GRM8: variants seen among roughly 807,000 people sequenced by gnomAD.
The protein encoded by GRM8 is metabotropic glutamate receptor 8.
A neutral mutation model predicts 87.2 loss-of-function variants in GRM8; 47 were observed. That is an observed-to-expected ratio of 0.54 (90% CI 0.43 to 0.69). GRM8 has a LOEUF of 0.69. GRM8 is among the 30% of genes least tolerant of loss of function. The probability of loss-of-function intolerance (pLI) is 0.00; values close to 1 mark genes in which losing one functional copy is unlikely to be tolerated. For synonymous variants in GRM8, 396 were observed against 404.5 expected, an observed-to-expected ratio of 0.98 and a Z score of 0.25; for missense variants, 1,019 against 1,139.2, an observed-to-expected ratio of 0.89 and a Z score of 1.52.
chr7:126,949,809 G>A (rs897866536), intron 3 of GRM8, among the ~76,000 whole-genome samples: 5 of 152,160 alleles, frequency 3.3e-5, no homozygotes, highest in Non-Finnish European at 7.4e-5. Context: ...GAGGAGGAAG[G>A]GAGCAGAGGA....
chr7:126,720,384 C>A (rs1812262414), intron 7 of GRM8, among the ~76,000 whole-genome samples: 1 of 152,080 alleles, frequency 6.6e-6, no homozygotes, highest in South Asian at 2.1e-4. Context: ...TCAAGCGATC[C>A]TCCTGCCTCA....
chr7:127,090,053 G>T (rs1213649753), intron 3 of GRM8, among the ~76,000 whole-genome samples: 4 of 152,100 alleles, frequency 2.6e-5, no homozygotes, highest in East Asian at 1.9e-4. Context: ...CCATGCCTGG[G>T]ACCTTGTGAC....
chr7:126,801,276 C>T (rs927232538), intron 6 of GRM8, among the ~76,000 whole-genome samples: 2 of 152,012 alleles, frequency 1.3e-5, no homozygotes, highest in Non-Finnish European at 2.9e-5. Flanking sequence ...TGCTTCATGC[C>T]GCAATGCCAC....
intron 7 of GRM8, among the ~76,000 whole-genome samples, chr7:126,698,231 G>A (rs1259863323): frequency 6.6e-6 from 1 of 152,026 alleles, no homozygotes; most frequent in Non-Finnish European, 1.5e-5. Flanking sequence ...ATTAAGAGTT[G>A]TTCTTCTTCT....
chr7:126,887,477 T>C (rs1260772930), intron 6 of GRM8, among the ~76,000 whole-genome samples: 1 of 152,072 alleles, frequency 6.6e-6, no homozygotes, highest in Non-Finnish European at 1.5e-5. Context: ...GTGCTTGAAG[T>C]GAAAGAAGGG....
intron 2 of GRM8, among the ~76,000 whole-genome samples, chr7:127,221,433 T>G (rs574137873): frequency 3.3e-5 from 5 of 152,256 alleles, no homozygotes; most frequent in African/African-American, 7.2e-5. Context: ...TTGGGTGATA[T>G]AGCCACCTTG....
intron 1 of GRM8, among the ~76,000 whole-genome samples, chr7:127,248,366 C>T (rs76474331): frequency 0.031 from 4,763 of 152,240 alleles, 92 homozygotes; most frequent in Middle Eastern, 0.068. Flanking sequence ...AAGTCTCAGG[C>T]GAGAATTCAA....
intron 3 of GRM8, among the ~76,000 whole-genome samples, chr7:126,974,227 G>A (rs1469820324): frequency 6.6e-6 from 1 of 152,014 alleles, no homozygotes; most frequent in Non-Finnish European, 1.5e-5. Flanking sequence ...ACAGAAAAAG[G>A]CCCAAATCTG....
chr7:126,701,704 T>G, intron 7 of GRM8: 1 of 584,746 alleles, frequency 1.7e-6, no homozygotes, highest in South Asian at 1.5e-5. Context: ...GTTTTAGAAA[T>G]CCTACAAGAA....
chr7:126,932,857 AAG>A, intron 3 of GRM8, among the ~76,000 whole-genome samples: 1 of 152,324 alleles, frequency 6.6e-6, no homozygotes, highest in Non-Finnish European at 1.5e-5. Flanking sequence ...GGAGGCAAGA[AAG>A]AGAGAGATAG....
intron 2 of GRM8, among the ~76,000 whole-genome samples, chr7:127,223,441 A>ACGCG (rs1554615069): frequency 1.8e-5 from 2 of 109,540 alleles, no homozygotes; most frequent in African/African-American, 1.2e-4. Flanking sequence ...ACACACACAC[A>ACGCG]CGCACACACA....
intron 7 of GRM8, among the ~76,000 whole-genome samples, chr7:126,632,089 C>A (rs12505636): frequency 3.9e-4 from 59 of 152,234 alleles, no homozygotes; most frequent in African/African-American, 1.3e-3. Flanking sequence ...TCAGAGCAAA[C>A]AGACAACCCA....
intron 3 of GRM8, among the ~76,000 whole-genome samples, chr7:127,072,180 T>G (rs1821760584): frequency 6.6e-6 from 1 of 152,170 alleles, no homozygotes. Context: ...CATCACCCTG[T>G]ACACCCAACT....
chr7:126,732,484 G>A (rs1256963416), intron 7 of GRM8, among the ~76,000 whole-genome samples: 1 of 152,120 alleles, frequency 6.6e-6, no homozygotes, highest in Non-Finnish European at 1.5e-5. Context: ...ATTAGAGGAA[G>A]ACATATTAGT....
At chr7:126,522,961 T>C (rs1813219518) in intron 9 of GRM8, among the ~76,000 whole-genome samples, 1 of 152,244 alleles carries the variant, frequency 6.6e-6, no homozygotes, top group African/African-American at 2.4e-5. Flanking sequence ...CAAAGGTTTT[T>C]GCATAAAGCA....
chr7:126,614,379 T>A (rs1799231450), intron 7 of GRM8, among the ~76,000 whole-genome samples: 1 of 151,960 alleles, frequency 6.6e-6, no homozygotes, highest in African/African-American at 2.4e-5. Context: ...CATCTGTACA[T>A]CACCATCATC....
intron 8 of GRM8, among the ~76,000 whole-genome samples, chr7:126,598,045 C>G (rs1319297091): frequency 6.6e-6 from 1 of 151,954 alleles, no homozygotes; most frequent in East Asian, 1.9e-4. Flanking sequence ...TTTTTGTACC[C>G]ACTACCTAGC....
intron 3 of GRM8, among the ~76,000 whole-genome samples, chr7:127,087,591 A>G (rs1235034955): frequency 1.3e-5 from 2 of 152,234 alleles, no homozygotes; most frequent in Non-Finnish European, 2.9e-5. Flanking sequence ...GTTGCCAGGA[A>G]CTATGGGAAG....
At chr7:127,187,056 C>T (rs11563698) in intron 2 of GRM8, among the ~76,000 whole-genome samples, 2,534 of 152,288 alleles carry the variant, frequency 0.017, 30 homozygotes, top group Middle Eastern at 0.041. Context: ...AAGTGCTGCA[C>T]AATTCAGTGA....
Sources: gnomAD v4.1 joint callset for allele counts (sites outside exome capture counted in the v4.1 genomes callset) on GRCh38, gnomAD v4.1.1 for gene constraint, MANE v1.5 for transcripts, NCBI Gene and HGNC (gene_info 2026-07-23, HGNC 2026-07-21) for gene names.